Variants in UFD1 observed in about 807,000 individuals in gnomAD.
UFD1 encodes ubiquitin recognition factor in ER-associated degradation protein 1.
A neutral mutation model predicts 45.9 loss-of-function variants in UFD1; 13 were observed. The ratio of observed to expected loss-of-function variants is 0.28; its 90% CI spans 0.18 to 0.45. UFD1 has a LOEUF of 0.45. UFD1 is among the 20% of genes least tolerant of loss of function. The pLI is 1.00. For missense variants in UFD1, 218 were observed against 389.2 expected, an observed-to-expected ratio of 0.56 and a Z score of 3.70; for synonymous variants, 128 against 139.2, an observed-to-expected ratio of 0.92 and a Z score of 0.56.
At chr22:19,452,203 C>T (rs1157738064) in intron 11 of UFD1, 1 of 153,064 alleles carries the variant, frequency 6.5e-6, no homozygotes, top group Non-Finnish European at 1.5e-5. Flanking sequence ...GGTTTGGTTT[C>T]CTCTGACACC....
intron 9 of UFD1, chr22:19,456,383 TG>T: frequency 1.5e-6 from 1 of 651,666 alleles, no homozygotes; most frequent in Non-Finnish European, 2.6e-6. Context: ...GGCTGCCTTA[TG>T]GGGCTGTTGG....
At chr22:19,459,958 T>C (rs2089753981) in intron 6 of UFD1, among the ~76,000 whole-genome samples, 1 of 151,848 alleles carries the variant, frequency 6.6e-6, no homozygotes, top group Admixed American at 6.6e-5. Context: ...AGGCTGGTCT[T>C]GAACTCCTGA....
chr22:19,453,998 A>T, intron 11 of UFD1: 12 of 985,702 alleles, frequency 1.2e-5, no homozygotes, highest in Non-Finnish European at 1.4e-5. Flanking sequence ...ATATTCCCAC[A>T]AAGTGCCCAT....
intron 6 of UFD1, among the ~76,000 whole-genome samples, chr22:19,463,223 A>C (rs1251155658): frequency 6.6e-6 from 1 of 152,170 alleles, no homozygotes; most frequent in East Asian, 1.9e-4. Context: ...TGACTTTCTC[A>C]GTGTCTTCAA....
At position 19,454,774 on chromosome 22, in the gene UFD1, C is replaced by T. The variant is rs762421866; in HGVS notation, c.824G>A (p.Arg275His). 2 of 1,614,008 alleles carry T rather than the reference C, an allele frequency of 1.2e-6. No homozygotes were observed. Among genetic ancestry groups the T allele is most frequent in the African/African-American group, 1.3e-5 (1 of 74,994 alleles). Residue 275 changes from arginine to histidine, a missense_variant, in exon 11 of 12, where the codon CGT (arginine) becomes CAT (histidine). By Grantham distance (29) the Arg-to-His change is conservative (BLOSUM62 0). Transcript: ENST00000263202. Reference sequence around the variant, plus strand: ...CTCTTCAACCTTTTTGACAAGGGGACGTGAATTTCTGATGAAAGTTATCTT... The same window carrying T: ...CTCTTCAACCTTTTTGACAAGGGGATGTGAATTTCTGATGAAAGTTATCTT... Reference protein sequence around the residue: ...LGKITFIRNSRPLVKKVEEDE... With the variant: ...LGKITFIRNSHPLVKKVEEDE...
rs1469281906 is a variant in UFD1 at position 19,465,288 on chromosome 22, C to T, written c.423-14G>A. ...GCGTTTTCTAATCTGCAGACACATT[C>T]TGTCAAGGCAACATGGCAAGATGGA... is the stretch of plus-strand genomic sequence containing the variant. On this transcript the variant is annotated splice_polypyrimidine_tract_variant and intron_variant, in intron 5 of 11. Coordinates refer to ENST00000263202, the MANE Select transcript of UFD1 (RefSeq NM_005659.7). 6 of 1,612,940 alleles carry T rather than the reference C, an allele frequency of 3.7e-6. No homozygotes were observed. Among genetic ancestry groups the T allele is most frequent in the Non-Finnish European group, 5.1e-6 (6 of 1,179,030 alleles).
In UFD1 at chr22:19,450,424, G is replaced by A. The variant is rs1601882530; in HGVS notation, c.*246C>T. ...CCCCTCAAGCTGAAAGCGTGAAGAG[G>A]TGAGGAGGCAGCTATCTACAGGCCC... On this transcript the variant is annotated 3_prime_UTR_variant, in exon 12 of 12. Coordinates refer to ENST00000263202, the MANE Select transcript of UFD1 (RefSeq NM_005659.7). 6.2e-6 allele frequency: 3 copies of A among 481,082 alleles called. No homozygotes were observed. The South Asian group carries it at 8.0e-5, about 13-fold the overall frequency. The allele number at this position is 481,082 out of a possible 1,614,324, so 29.8% of individuals were successfully genotyped here. A position where few individuals can be genotyped will look rare whatever the true frequency, so the allele number is the denominator to read the frequency against.
chr22:19,456,481 A>C, intron 9 of UFD1, 106 bp downstream of exon 9: 2 of 1,484,930 alleles, frequency 1.3e-6, no homozygotes, highest in Non-Finnish European at 1.9e-6. Flanking sequence ...CAGAGGCCTA[A>C]CCCCTGCTGA....
rs2089816042 is a variant in UFD1 at position 19,468,021 on chromosome 22, C to CT, written c.292-19dup. 2 of 1,613,376 alleles carry CT rather than the reference C, an allele frequency of 1.2e-6. No individual in the cohort carries two copies. The highest frequency in any genetic ancestry group is 3.3e-5 in the Admixed American group (2 of 59,930). On this transcript the variant is annotated intron_variant, in intron 4 of 11. Transcript: ENST00000263202. ...TGCATCATCTGAAAGGAAGAAGAGG[C>CT]TACATGAGACTCCTAGAGATGAAGC...
chr22:19,453,727 G>A, intron 11 of UFD1: 4 of 985,492 alleles, frequency 4.1e-6, no homozygotes, highest in Non-Finnish European at 4.8e-6. Context: ...GTAGGACCAG[G>A]TGTGCAAACT....
At chr22:19,475,155 A>G in intron 2 of UFD1, 55 bp from the exon 3 acceptor site, 1 of 1,544,896 alleles carries the variant, frequency 6.5e-7, no homozygotes, top group Non-Finnish European at 8.8e-7. Context: ...AGGACAGACC[A>G]AAGGCAAGAT....
chr22:19,456,927 C>T lies in UFD1; in HGVS notation c.565-9G>A, dbSNP rs775247312. 6.4e-6 allele frequency: 10 copies of T among 1,565,002 alleles called. No homozygotes were observed. Among genetic ancestry groups the T allele is most frequent in the Middle Eastern group, 1.7e-4 (1 of 5,990 alleles). On this transcript the variant is annotated splice_polypyrimidine_tract_variant and intron_variant, in intron 7 of 11. Coordinates refer to ENST00000263202, the MANE Select transcript of UFD1 (RefSeq NM_005659.7). The stretch of plus-strand genomic sequence containing the variant: ...GGAGCATCAAAGTCCACCTGTGTTT[C>T]CAGGATTTTAAAAGTAAAATATTGA...
At chr22:19,475,176 T>C in intron 2 of UFD1, 76 bp from the exon 3 acceptor site, 1 of 1,438,948 alleles carries the variant, frequency 6.9e-7, no homozygotes, top group East Asian at 2.5e-5. Context: ...GCAGTTTCTT[T>C]ATATCTAACA....
chr22:19,474,731 A>T (rs1372320706), intron 3 of UFD1, among the ~76,000 whole-genome samples: 1 of 152,152 alleles, frequency 6.6e-6, no homozygotes, highest in Non-Finnish European at 1.5e-5. Flanking sequence ...GGTACAAAGC[A>T]CTTGATACTT....
intron 8 of UFD1, 107 bp from the exon 9 acceptor site, chr22:19,456,741 A>G (rs1601888272): frequency 3.7e-6 from 6 of 1,612,976 alleles, no homozygotes; most frequent in Non-Finnish European, 5.1e-6. Context: ...GCTGGAAGGG[A>G]CGCAGAGGAT....
chr22:19,453,909 G>A lies in UFD1; in HGVS notation c.849+840C>T, dbSNP rs1050299196. ...CTTTGAGAAAAGGAACCAGGAGAGC[G>A]ATGGGTCTGAAGCGCTGGTGTTGTA... On this transcript the variant is annotated intron_variant, in intron 11 of 11. Coordinates refer to ENST00000263202, the MANE Select transcript of UFD1 (RefSeq NM_005659.7). The A allele has an allele frequency of 5.1e-6, 5 of 985,388 alleles. No homozygotes were observed. The African/African-American group carries it at 8.7e-5, about 17-fold the overall frequency. The allele number at this position is 985,388 out of a possible 1,614,324, so 61.0% of individuals were successfully genotyped here. A position where few individuals can be genotyped will look rare whatever the true frequency, so the allele number is the denominator to read the frequency against.
chr22:19,456,700 AC>A (rs2089725835), intron 8 of UFD1, 66 bp from the exon 9 acceptor site: 9 of 1,610,494 alleles, frequency 5.6e-6, no homozygotes, highest in Admixed American at 5.0e-5. Context: ...TCTCACCCCC[AC>A]CCCCGGCTAG....
chr22:19,465,087 G>A (rs548205111), intron 6 of UFD1, 115 bp downstream of exon 6: 2 of 962,768 alleles, frequency 2.1e-6, no homozygotes, highest in African/African-American at 1.6e-5. Context: ...ACAGTAGGCA[G>A]TAATTAGGTG....
intron 11 of UFD1, chr22:19,451,264 G>C: frequency 1.0e-6 from 1 of 985,484 alleles, no homozygotes; most frequent in Non-Finnish European, 1.2e-6. Flanking sequence ...ATACTCCCAA[G>C]GCTACAGAAC....
Sources: gnomAD v4.1 joint callset for allele counts (sites outside exome capture counted in the v4.1 genomes callset) on GRCh38, gnomAD v4.1.1 for gene constraint, MANE v1.5 for transcripts, NCBI Gene and HGNC (gene_info 2026-07-23, HGNC 2026-07-21) for gene names.